RGS6: variants seen among roughly 807,000 people sequenced by gnomAD.
RGS6 encodes regulator of G-protein signaling 6.
Under a neutral mutation model 78.5 loss-of-function variants are expected in RGS6, and 30 were observed. The ratio of observed to expected loss-of-function variants is 0.38; its 90% CI spans 0.29 to 0.52. RGS6 has a LOEUF of 0.52. Among genes scored for constraint, RGS6 ranks in the 20% least tolerant of loss-of-function variants. The pLI is 0.85. For synonymous variants in RGS6, 206 were observed against 206.0 expected (o/e 1.00, Z 0.00); for missense variants, 495 against 609.7 (o/e 0.81, Z 1.98).
chr14:72,047,533 G>A (rs1002498826), intron 2 of RGS6, among the ~76,000 whole-genome samples: 3 of 152,190 alleles, frequency 2.0e-5, no homozygotes, highest in African/African-American at 4.8e-5. Flanking sequence ...GCAAGTGACC[G>A]CTGAGAGAAT....
intron 17 of RGS6, chr14:72,540,329 C>A: frequency 6.8e-7 from 1 of 1,467,782 alleles, no homozygotes; most frequent in Non-Finnish European, 8.9e-7. Context: ...CCCTTGATCG[C>A]CCAGCCTCAG....
chr14:72,357,979 G>A (rs564011750), intron 3 of RGS6, among the ~76,000 whole-genome samples: 10 of 152,242 alleles, frequency 6.6e-5, no homozygotes, highest in East Asian at 1.9e-4. Context: ...TGCAGCCTAG[G>A]GACTTAATGC....
At chr14:72,477,801 AAAAAAAAG>A (rs570430178) in intron 11 of RGS6, among the ~76,000 whole-genome samples, 43 of 148,020 alleles carry the variant, frequency 2.9e-4, no homozygotes, top group Non-Finnish European at 5.7e-4. Context: ...TGTCTCAAAA[AAAAAAAAG>A]AAAAAAAGAA....
At chr14:72,315,417 C>T (rs1290074496) in intron 2 of RGS6, among the ~76,000 whole-genome samples, 1 of 152,208 alleles carries the variant, frequency 6.6e-6, no homozygotes. Context: ...AAGTATATAG[C>T]ACCTGCTACA....
At chr14:72,543,022 C>T (rs1166954152) in intron 17 of RGS6, among the ~76,000 whole-genome samples, 1 of 152,178 alleles carries the variant, frequency 6.6e-6, no homozygotes, top group Admixed American at 6.5e-5. Context: ...AGCTTCATTC[C>T]AGGTTACTCA....
At chr14:72,116,729 C>T (rs1158875788) in intron 2 of RGS6, among the ~76,000 whole-genome samples, 8 of 151,672 alleles carry the variant, frequency 5.3e-5, no homozygotes, top group South Asian at 2.1e-4. Flanking sequence ...TTTGGGAGGC[C>T]GAGGCAGGCA....
intron 3 of RGS6, among the ~76,000 whole-genome samples, chr14:72,419,187 TG>T (rs1364464988): frequency 2.6e-5 from 4 of 152,262 alleles, no homozygotes; most frequent in African/African-American, 9.6e-5. Flanking sequence ...TGTTATCTTT[TG>T]ATTAGTAGTA....
At chr14:72,555,472 A>G (rs115427893) in intron 17 of RGS6, among the ~76,000 whole-genome samples, 4,313 of 152,342 alleles carry the variant, frequency 0.028, 182 homozygotes, top group African/African-American at 0.097. Context: ...AAGCTCAAGC[A>G]TGCTCAAGAA....
chr14:72,198,728 C>G (rs1478243445), intron 2 of RGS6, among the ~76,000 whole-genome samples: 1 of 152,182 alleles, frequency 6.6e-6, no homozygotes, highest in Admixed American at 6.5e-5. Context: ...TAGTTGTAAC[C>G]CAGGTTAGGA....
intron 3 of RGS6, among the ~76,000 whole-genome samples, chr14:72,358,096 T>A (rs1006308862): frequency 4.6e-5 from 7 of 152,174 alleles, no homozygotes; most frequent in Non-Finnish European, 7.4e-5. Flanking sequence ...CACATGGTGT[T>A]TGTCTTCTGG....
chr14:72,145,370 A>C (rs1340421138), intron 2 of RGS6, among the ~76,000 whole-genome samples: 2 of 152,188 alleles, frequency 1.3e-5, no homozygotes, highest in Non-Finnish European at 2.9e-5. Flanking sequence ...TTCCTTCCCA[A>C]AGTTAGTTCA....
chr14:72,453,025 C>T (rs187653716), intron 3 of RGS6, among the ~76,000 whole-genome samples: 294 of 152,246 alleles, frequency 1.9e-3, no homozygotes, highest in African/African-American at 6.5e-3. Context: ...GGAGGGAGGA[C>T]GTCGCTGGTA....
At chr14:72,122,372 G>T (rs759723337) in intron 2 of RGS6, among the ~76,000 whole-genome samples, 1 of 152,096 alleles carries the variant, frequency 6.6e-6, no homozygotes, top group African/African-American at 2.4e-5. Flanking sequence ...CCTTAGCACA[G>T]ACCACTGATA....
chr14:72,481,440 C>G (rs929403116), intron 12 of RGS6, among the ~76,000 whole-genome samples: 5 of 152,200 alleles, frequency 3.3e-5, no homozygotes, highest in African/African-American at 1.2e-4. Context: ...CAGTCTCCCA[C>G]ACAGAGATCT....
chr14:72,458,840 C>A (rs10149051), intron 5 of RGS6, among the ~76,000 whole-genome samples: 10,508 of 152,142 alleles, frequency 0.069, 731 homozygotes, highest in African/African-American at 0.16. Flanking sequence ...CTAATCTCAC[C>A]TGTGAGGGCT....
intron 2 of RGS6, among the ~76,000 whole-genome samples, chr14:72,135,846 C>T (rs2096428419): frequency 6.6e-6 from 1 of 151,166 alleles, no homozygotes; most frequent in Admixed American, 6.6e-5. Flanking sequence ...AGGCTTAAAT[C>T]TACTGTTGAA....
chr14:72,166,730 C>G (rs953364794), intron 2 of RGS6, among the ~76,000 whole-genome samples: 1 of 152,158 alleles, frequency 6.6e-6, no homozygotes, highest in Non-Finnish European at 1.5e-5. Context: ...ACAAAACGTA[C>G]TTTTTTATAG....
chr14:72,126,893 C>T (rs1433699994), intron 2 of RGS6, among the ~76,000 whole-genome samples: 3 of 152,106 alleles, frequency 2.0e-5, no homozygotes, highest in Admixed American at 6.5e-5. Context: ...AAACCTCATC[C>T]CCAACTCCAC....
At chr14:71,932,242 T>G (rs1434601492), upstream of RGS6, among the ~76,000 whole-genome samples, 1 of 151,906 alleles carries the variant, frequency 6.6e-6, no homozygotes, top group Non-Finnish European at 1.5e-5. Context: ...AGGTGAGCCG[T>G]GCGGCGGCGC....
Sources: allele counts gnomAD v4.1 joint callset (sites outside exome capture counted in the v4.1 genomes callset), GRCh38; gene constraint gnomAD v4.1.1; transcripts MANE v1.5; gene names NCBI Gene and HGNC (gene_info 2026-07-23, HGNC 2026-07-21).